The following PRPF6 variants were observed in gnomAD, a reference collection of about 807,000 sequenced individuals.
PRPF6 encodes the protein pre-mRNA-processing factor 6.
In PRPF6, 42 loss-of-function variants were observed where a neutral mutation model predicts 118.3. The ratio of observed to expected loss-of-function variants is 0.35; its 90% CI spans 0.28 to 0.46. PRPF6 has a LOEUF of 0.46. Among genes scored for constraint, PRPF6 ranks in the 20% least tolerant of loss-of-function variants. The probability of loss-of-function intolerance (pLI) is 1.00; values close to 1 mark genes in which losing one functional copy is unlikely to be tolerated. For synonymous variants in PRPF6, 481 were observed against 485.1 expected (o/e 0.99, Z 0.11); for missense variants, 662 against 1,255.7 (o/e 0.53, Z 7.15).
Position 63,993,467 on chromosome 20 carries a change from G to A in PRPF6, c.420G>A (p.Gln140=). 3.1e-6 allele frequency: 5 copies of A among 1,612,508 alleles called. No homozygotes were observed. The highest frequency in any genetic ancestry group is 4.2e-6 in the Non-Finnish European group (5 of 1,178,824). ...KYRMERPKIQ[Q]QFSDLKRKLA... ...GTATGGAACGCCCCAAAATCCAACA[G>A]CAGTTCTCAGACCTCAAGGTGAGCC... Residue 140 remains glutamine, a synonymous_variant, in exon 4 of 21, where the codon CAG becomes CAA. Transcript: ENST00000266079.
chr20:64,019,079 G>GTTTTTGTTGTT, intron 12 of PRPF6, among the ~76,000 whole-genome samples: 1 of 143,766 alleles, frequency 7.0e-6, no homozygotes, highest in African/African-American at 2.6e-5. Flanking sequence ...AGCGGTAATA[G>GTTTTTGTTGTT]TTTTTGTTGT....
intron 12 of PRPF6, among the ~76,000 whole-genome samples, chr20:64,018,054 G>C (rs114534538): frequency 0.02 from 3,051 of 152,240 alleles, 112 homozygotes; most frequent in African/African-American, 0.067. Context: ...ACAAAAGCCA[G>C]GCATGGTGGT....
intron 6 of PRPF6, among the ~76,000 whole-genome samples, chr20:63,997,476 A>T: frequency 7.6e-6 from 1 of 131,254 alleles, no homozygotes. Flanking sequence ...TTTTTTTTTG[A>T]GACGGAGCCT....
At position 63,994,433 on chromosome 20, in the gene PRPF6, C is replaced by T. The variant is rs574905616; in HGVS notation, c.439-483C>T. On this transcript the variant is annotated intron_variant, in intron 4 of 20. Transcript: ENST00000266079. The stretch of plus-strand genomic sequence containing the variant: ...TGGCCTCCCAAAGTGCTGGGATTAA[C>T]AGGCATGAGCCACCGTGCCCGGCCT... 5.9e-5 allele frequency among the ~76,000 whole-genome samples: 9 copies of T among 152,320 alleles called. 1 individual carries two copies. The South Asian group carries it at 1.9e-3, about 32-fold the overall frequency.
intron 3 of PRPF6, among the ~76,000 whole-genome samples, chr20:63,991,232 TGG>T (rs1187237054): frequency 6.6e-6 from 1 of 151,842 alleles, no homozygotes; most frequent in Non-Finnish European, 1.5e-5. Context: ...GAGACCAGCC[TGG>T]GCAACATGGT....
At chr20:64,006,534 C>T (rs1047801922) in intron 9 of PRPF6, among the ~76,000 whole-genome samples, 4 of 152,014 alleles carry the variant, frequency 2.6e-5, no homozygotes, top group African/African-American at 4.8e-5. Context: ...GTTGGCCAGG[C>T]TGGTCTCGAA....
chr20:63,997,591 G>C (rs2059146688), intron 6 of PRPF6, among the ~76,000 whole-genome samples: 1 of 151,902 alleles, frequency 6.6e-6, no homozygotes, highest in African/African-American at 2.4e-5. Context: ...CGAGTAGCTG[G>C]AACTATAGGC....
At chr20:64,014,717 T>C (rs376936266) in intron 11 of PRPF6, among the ~76,000 whole-genome samples, 9 of 152,232 alleles carry the variant, frequency 5.9e-5, no homozygotes, top group African/African-American at 2.2e-4. Flanking sequence ...CCTAACCTAC[T>C]GAACTTTACA....
At chr20:63,995,856 C>A (rs926229279) in intron 6 of PRPF6, among the ~76,000 whole-genome samples, 23 of 151,948 alleles carry the variant, frequency 1.5e-4, no homozygotes, top group Non-Finnish European at 2.8e-4. Context: ...GGGGTTTTAC[C>A]ATGTTGGCCA....
Position 64,028,349 on chromosome 20 carries a change from T to A in PRPF6, c.2340-129T>A. The A allele has an allele frequency of 2.1e-6, 2 of 936,896 alleles. No individual in the cohort carries two copies. Among genetic ancestry groups the A allele is most frequent in the Non-Finnish European group, 1.7e-6 (1 of 586,106 alleles). The allele number at this position is 936,896 out of a possible 1,614,324, so 58.0% of individuals were successfully genotyped here. A position where few individuals can be genotyped will look rare whatever the true frequency, so the allele number is the denominator to read the frequency against. On this transcript the variant is annotated intron_variant, in intron 17 of 20. Coordinates refer to ENST00000266079, the MANE Select transcript of PRPF6 (RefSeq NM_012469.4). This position sits in a 1 kb window ranked among gnomAD's most constrained non-coding sequence, Gnocchi z 6.5. ...TGTTTCTGTGGTGGATGAGCTCTGC[T>A]GTGGAGGGAATGGAGTTTTTGCTGC...
Position 64,007,697 on chromosome 20 carries a change from G to A in PRPF6, c.1187-2503G>A, listed in dbSNP as rs183760128. 3.5e-4 allele frequency among the ~76,000 whole-genome samples: 53 copies of A among 152,012 alleles called. No individual in the cohort carries two copies. The East Asian group carries it at 9.7e-3, about 28-fold the overall frequency. On this transcript the variant is annotated intron_variant, in intron 9 of 20. Transcript: ENST00000266079. ...GTCCAGGCTAGTCTCGAATTCCTGG[G>A]CTCAAGCGATCCTCCCACCTCAGCC... is the stretch of plus-strand genomic sequence containing the variant.
intron 9 of PRPF6, among the ~76,000 whole-genome samples, chr20:64,008,485 G>T (rs1299168739): frequency 6.6e-6 from 1 of 152,094 alleles, no homozygotes; most frequent in East Asian, 1.9e-4. Context: ...GAGCTGCAGA[G>T]GCTGTCACTG....
intron 4 of PRPF6, among the ~76,000 whole-genome samples, chr20:63,993,750 C>A (rs1304276780): frequency 6.6e-6 from 1 of 150,884 alleles, no homozygotes; most frequent in Non-Finnish European, 1.5e-5. Context: ...TTTCTTTTTT[C>A]TTTTTTCTTT....
In PRPF6 at chr20:64,024,672, C is replaced by T; in HGVS notation, c.1887C>T (p.Ser629=). The T allele has an allele frequency of 6.2e-7, 1 of 1,613,114 alleles. No homozygotes were observed. The highest frequency in any genetic ancestry group is 8.5e-7 in the Non-Finnish European group (1 of 1,179,916). The change falls in exon 14 of 21, where the codon AGC becomes AGT. Residue 629 remains serine, a synonymous_variant. Transcript: ENST00000266079. Reference sequence around the variant, plus strand: ...CAGGGGATGTGCCTGCAGCAAGGAGCATCCTGGCCCTGGCCTTCCAGGTGG... The same window carrying T: ...CAGGGGATGTGCCTGCAGCAAGGAGTATCCTGGCCCTGGCCTTCCAGGTGG... ...WLAGDVPAAR[S]ILALAFQANP...
chr20:63,984,847 C>T (rs1459483502), intron 2 of PRPF6, 60 bp from the exon 3 acceptor site: 12 of 1,209,382 alleles, frequency 9.9e-6, no homozygotes, highest in South Asian at 3.7e-5. Context: ...ATCTCCGTTT[C>T]GCTGGTGGGG....
chr20:64,027,076 T>TC lies in PRPF6; in HGVS notation c.2127dup (p.Lys710GlnfsTer24). ...GAGGCCCTGCGGCACTATGAGGACT[T>TC]CCCCAAGCTGTGGATGATGAAGGGG... On this transcript the variant is annotated frameshift_variant, in exon 16 of 21. Transcript: ENST00000266079. LOFTEE classifies it high-confidence loss of function. The surrounding 1 kb of genome is among the most constrained non-coding windows in gnomAD (Gnocchi z 6.5). 6.2e-7 allele frequency: 1 copy of TC among 1,613,984 alleles called. No homozygotes were observed. Among genetic ancestry groups the TC allele is most frequent in the Non-Finnish European group, 8.5e-7 (1 of 1,179,990 alleles).
intron 3 of PRPF6, among the ~76,000 whole-genome samples, chr20:63,985,861 A>C (rs577714016): frequency 6.6e-6 from 1 of 152,204 alleles, no homozygotes; most frequent in African/African-American, 2.4e-5. Context: ...TACTCAGACT[A>C]TTCTGAAAAA....
chr20:64,025,675 C>T (rs957926140), intron 14 of PRPF6, among the ~76,000 whole-genome samples: 7 of 152,214 alleles, frequency 4.6e-5, no homozygotes, highest in African/African-American at 1.7e-4. Context: ...CACCTGCCCC[C>T]GTTATTGCTC....
In PRPF6 at chr20:64,023,497, C is replaced by T. The variant is rs1483018315; in HGVS notation, c.1769+619C>T. Among the ~76,000 whole-genome samples, 3 of 152,190 alleles carry T rather than the reference C, an allele frequency of 2.0e-5. No homozygotes were observed. The East Asian group carries it at 5.8e-4, about 29-fold the overall frequency. On this transcript the variant is annotated intron_variant, in intron 13 of 20. Coordinates refer to ENST00000266079, the MANE Select transcript of PRPF6 (RefSeq NM_012469.4). Reference sequence around the variant, plus strand: ...TCTCCCAGGTCCTCGGGTGATGCTCCCTGTACCAGGTGAGGACAGGCCCTG... The same window carrying T: ...TCTCCCAGGTCCTCGGGTGATGCTCTCTGTACCAGGTGAGGACAGGCCCTG...
Sources: gnomAD v4.1 joint callset for allele counts (sites outside exome capture counted in the v4.1 genomes callset) on GRCh38, gnomAD v4.1.1 for gene constraint, Gnocchi (gnomAD v3.1) non-coding constraint, MANE v1.5 for transcripts, NCBI Gene and HGNC (gene_info 2026-07-23, HGNC 2026-07-21) for gene names.